The following BPTF variants were observed in gnomAD, a reference collection of about 807,000 sequenced individuals.
BPTF encodes the protein nucleosome-remodeling factor subunit BPTF.
A neutral mutation model predicts 292.5 loss-of-function variants in BPTF; 18 were observed. That is an observed-to-expected ratio of 0.06 (90% CI 0.04 to 0.09). The LOEUF (loss-of-function observed/expected upper bound fraction) is 0.09. Ranked by LOEUF, BPTF falls within the 10% of genes least tolerant of loss-of-function variation. The probability of loss-of-function intolerance (pLI) is 1.00; values close to 1 mark genes in which losing one functional copy is unlikely to be tolerated. For missense variants in BPTF, 2,726 were observed against 3,498.7 expected, an observed-to-expected ratio of 0.78 and a Z score of 5.57; for synonymous variants, 1,225 against 1,251.9, an observed-to-expected ratio of 0.98 and a Z score of 0.45.
chr17:67,930,385 GATGGGGTTTTACC>G (rs1279520186), intron 17 of BPTF, among the ~76,000 whole-genome samples: 1 of 151,682 alleles, frequency 6.6e-6, no homozygotes, highest in Non-Finnish European at 1.5e-5. Flanking sequence ...TTTTAGTAGA[GATGGGGTTTTACC>G]ATGTTGGTCA....
At chr17:67,840,323 T>C (rs748727775) in intron 1 of BPTF, among the ~76,000 whole-genome samples, 9 of 152,090 alleles carry the variant, frequency 5.9e-5, no homozygotes, top group African/African-American at 1.2e-4. Flanking sequence ...CCCAGACTGA[T>C]TTCAAACTCC....
At chr17:67,897,341 C>CAAAA (rs750678904) in intron 7 of BPTF, among the ~76,000 whole-genome samples, 19 of 17,760 alleles carry the variant, frequency 1.1e-3, no homozygotes, top group East Asian at 3.0e-3. Context: ...AACTCTGTCT[C>CAAAA]AAAAAAAAAA....
rs1221326700 is a variant in BPTF, at chr17:67,894,145, A to C, written c.2523A>C (p.Arg841=). ...VKPVVMLPIW[R]ESLGHTRLHR... Reference sequence around the variant, plus strand: ...CAGTTGTGATGCTACCAATATGGCGAGAATCTTTAGGACATACCAGGTAAA... The same window carrying C: ...CAGTTGTGATGCTACCAATATGGCGCGAATCTTTAGGACATACCAGGTAAA... Residue 841 remains arginine, a synonymous_variant, in exon 7 of 28, where the codon CGA becomes CGC. Coordinates refer to ENST00000306378, the MANE Select transcript of BPTF (RefSeq NM_182641.4). 6.2e-7 allele frequency: 1 copy of C among 1,614,146 alleles called. No homozygotes were observed. The highest frequency in any genetic ancestry group is 8.5e-7 in the Non-Finnish European group (1 of 1,179,978).
chr17:67,954,202 G>GT lies in BPTF; in HGVS notation c.7927-5332dup, dbSNP rs782486729. On this transcript the variant is annotated intron_variant, in intron 23 of 27. Transcript: ENST00000306378. The stretch of plus-strand genomic sequence containing the variant: ...TTTTGTTGTTATTGTTGTTGTCGTT[G>GT]TTTTTTTGTAGAGACAAGTTTTTGC... Among the ~76,000 whole-genome samples the GT allele has an allele frequency of 2.7e-5, 4 of 150,538 alleles. No individual in the cohort carries two copies. In the South Asian group the frequency reaches 8.4e-4, roughly 32 times the overall value.
chr17:67,939,802 C>T (rs1429215627), intron 18 of BPTF, among the ~76,000 whole-genome samples: 2 of 152,210 alleles, frequency 1.3e-5, no homozygotes, highest in Non-Finnish European at 2.9e-5. Flanking sequence ...ATCGCTTGAA[C>T]CCAGGAGGCA....
intron 1 of BPTF, among the ~76,000 whole-genome samples, chr17:67,826,810 A>G (rs1386235639): frequency 6.6e-6 from 1 of 152,168 alleles, no homozygotes; most frequent in Admixed American, 6.5e-5. Flanking sequence ...AAAGGGAATT[A>G]AGGATTTGGA....
intron 4 of BPTF, among the ~76,000 whole-genome samples, chr17:67,887,117 A>G (rs1009235445): frequency 1.3e-5 from 2 of 152,208 alleles, no homozygotes; most frequent in South Asian, 4.1e-4. Context: ...CTGTTTCCTT[A>G]TTCTCTCACT....
intron 9 of BPTF, among the ~76,000 whole-genome samples, chr17:67,907,884 T>C (rs1598574791): frequency 6.6e-6 from 1 of 152,346 alleles, no homozygotes; most frequent in Non-Finnish European, 1.5e-5. Flanking sequence ...GTCTTAGAGA[T>C]ACCTTTTTAC....
chr17:67,936,233 A>G (rs60618921), intron 18 of BPTF, among the ~76,000 whole-genome samples: 2,796 of 152,296 alleles, frequency 0.018, 94 homozygotes, highest in African/African-American at 0.064. Context: ...TTTTAAGGCA[A>G]TCGTCTTGCC....
Position 67,922,955 on chromosome 17 carries a change from A to C in BPTF, c.5673A>C (p.Glu1891Asp). The C allele has an allele frequency of 6.2e-7, 1 of 1,614,074 alleles. No individual in the cohort carries two copies. Among genetic ancestry groups the C allele is most frequent in the Non-Finnish European group, 8.5e-7 (1 of 1,179,998 alleles). Residue 1891 changes from glutamate to aspartate, a missense_variant, in exon 14 of 28, where the codon GAA becomes GAC. By Grantham distance (45) the Glu-to-Asp change is conservative. Coordinates refer to ENST00000306378, the MANE Select transcript of BPTF (RefSeq NM_182641.4). ...VIIETWVAEE[E>D]LELWEIRAFA... Reference sequence around the variant, plus strand: ...TTGAAACCTGGGTAGCAGAAGAAGAACTGGAATTGTGGGAGATCAGGGCAT... The same window carrying C: ...TTGAAACCTGGGTAGCAGAAGAAGACCTGGAATTGTGGGAGATCAGGGCAT...
intron 2 of BPTF, among the ~76,000 whole-genome samples, chr17:67,861,852 C>G (rs1296330809): frequency 6.6e-6 from 1 of 152,214 alleles, no homozygotes; most frequent in Admixed American, 6.5e-5. Context: ...TTCTTGAGGT[C>G]TCAGCCTATT....
intron 3 of BPTF, among the ~76,000 whole-genome samples, chr17:67,873,227 G>A (rs1008369890): frequency 2.6e-5 from 4 of 152,274 alleles, no homozygotes; most frequent in Admixed American, 2.6e-4. Context: ...TGAGGCTGAG[G>A]TGGGCGGATC....
chr17:67,895,655 G>C (rs904511574), intron 7 of BPTF, among the ~76,000 whole-genome samples: 2 of 151,876 alleles, frequency 1.3e-5, no homozygotes, highest in African/African-American at 4.8e-5. Context: ...TAGACACGGG[G>C]TCTCATTATG....
At chr17:67,948,430 A>T in intron 23 of BPTF, 124 bp downstream of exon 23, 2 of 910,990 alleles carry the variant, frequency 2.2e-6, no homozygotes, top group Non-Finnish European at 3.2e-6. Flanking sequence ...ATTTGTGTAC[A>T]TAGAGTAAAA....
chr17:67,858,911 C>G (rs1232743513), intron 2 of BPTF, among the ~76,000 whole-genome samples: 5 of 152,150 alleles, frequency 3.3e-5, no homozygotes, highest in Non-Finnish European at 7.3e-5. Flanking sequence ...TGTCCACATA[C>G]AGAAAAACCT....
intron 1 of BPTF, among the ~76,000 whole-genome samples, chr17:67,835,663 ATTT>A (rs142633440): frequency 2.8e-5 from 4 of 141,224 alleles, no homozygotes; most frequent in Non-Finnish European, 1.6e-5. Flanking sequence ...AGTCCTGGTA[ATTT>A]TTTTTTTTTT....
At chr17:67,968,883 G>A (rs1323468998) in intron 26 of BPTF, among the ~76,000 whole-genome samples, 3 of 151,486 alleles carry the variant, frequency 2.0e-5, no homozygotes, top group Non-Finnish European at 2.9e-5. Flanking sequence ...TCGGGAGGCT[G>A]AGGCGGAGAA....
At chr17:67,897,932 G>A (rs1479284867) in intron 7 of BPTF, among the ~76,000 whole-genome samples, 1 of 151,968 alleles carries the variant, frequency 6.6e-6, no homozygotes, top group African/African-American at 2.4e-5. Context: ...TAGCAAATAG[G>A]TGTATCTATA....
At chr17:67,925,149 A>G (rs2063770029) in intron 15 of BPTF, among the ~76,000 whole-genome samples, 1 of 151,798 alleles carries the variant, frequency 6.6e-6, no homozygotes, top group African/African-American at 2.4e-5. Flanking sequence ...GGTTTTGTAA[A>G]AAGTATACAT....
Sources: allele counts gnomAD v4.1 joint callset (sites outside exome capture counted in the v4.1 genomes callset), GRCh38; gene constraint gnomAD v4.1.1; transcripts MANE v1.5; gene names NCBI Gene and HGNC (gene_info 2026-07-23, HGNC 2026-07-21).